Variants in CHRNB2 observed in about 807,000 individuals in gnomAD.
The protein encoded by CHRNB2 is neuronal acetylcholine receptor subunit beta-2.
CHRNB2 carries 33 observed loss-of-function variants against 42.7 expected under a neutral mutation model. The observed-to-expected ratio is 0.77, with a 90% confidence interval of 0.59 to 1.03. The LOEUF is 1.03. CHRNB2 is among the 50% of genes least tolerant of loss of function. The pLI, the probability that CHRNB2 is intolerant of heterozygous loss-of-function variation, is 0.00. For missense variants in CHRNB2, 603 were observed against 700.9 expected (o/e 0.86, Z 1.58); for synonymous variants, 325 against 292.9 (o/e 1.11, Z -1.12).
Position 154,569,776 on chromosome 1 carries a change from C to T in CHRNB2, c.211-16C>T, listed in dbSNP as rs200459257. ...GGCTTAGGGGCCTTCTCGGCAGCCT[C>T]TCTTCCTCCCTGCAGCATGAGCGGG... is the stretch of plus-strand genomic sequence containing the variant. On this transcript the variant is annotated splice_polypyrimidine_tract_variant and intron_variant, in intron 2 of 5. Coordinates refer to ENST00000368476, the MANE Select transcript of CHRNB2 (RefSeq NM_000748.3). The T allele has an allele frequency of 1.9e-6, 3 of 1,614,180 alleles. No homozygotes were observed. Among genetic ancestry groups the T allele is most frequent in the Middle Eastern group, 1.6e-4 (1 of 6,062 alleles).
At position 154,568,097 on chromosome 1, in the gene CHRNB2, G is replaced by A; in HGVS notation, c.53G>A (p.Arg18Gln). Residue 18 changes from arginine to glutamine, a missense_variant, in exon 1 of 6, where the codon CGG becomes CAG. Arg to Gln is a conservative substitution (Grantham distance 43). This residue lies in a region of CHRNB2 where 333 missense variants were observed against 452.6 expected (regional missense o/e 0.74). Coordinates refer to ENST00000368476, the MANE Select transcript of CHRNB2 (RefSeq NM_000748.3). ...VALLLGFGLL[R>Q]LCSGVWGTDT... ...CTGCTCCTTGGCTTCGGCCTCCTCCGGCTGTGCTCAGGTAAGGGAAAGACG... is the reference window on the plus strand; with the variant it reads ...CTGCTCCTTGGCTTCGGCCTCCTCCAGCTGTGCTCAGGTAAGGGAAAGACG... The A allele has an allele frequency of 6.2e-7, 1 of 1,603,434 alleles. No homozygotes were observed. The highest frequency in any genetic ancestry group is 8.5e-7 in the Non-Finnish European group (1 of 1,175,752).
At position 154,567,938 on chromosome 1, in the gene CHRNB2, T is replaced by C; in HGVS notation, c.-107T>C. ...GCGGCCGGCACCACCTGGACCCAGCTCCAGGCGGGCGCGGCTTCAGCACCA... is the reference window on the plus strand; with the variant it reads ...GCGGCCGGCACCACCTGGACCCAGCCCCAGGCGGGCGCGGCTTCAGCACCA... On this transcript the variant is annotated 5_prime_UTR_variant, in exon 1 of 6. Coordinates refer to ENST00000368476, the MANE Select transcript of CHRNB2 (RefSeq NM_000748.3). 1 of 1,101,878 alleles carries C rather than the reference T, an allele frequency of 9.1e-7. No homozygotes were observed. The highest frequency in any genetic ancestry group is 1.2e-6 in the Non-Finnish European group (1 of 829,344). 68.3% of individuals were successfully genotyped at this position (1,101,878 alleles called of 1,614,324 possible). A position where few individuals can be genotyped will look rare whatever the true frequency, so the allele number is the denominator to read the frequency against.
chr1:154,571,898 C>T lies in CHRNB2; in HGVS notation c.1075C>T (p.Gln359Ter). ...MQQPRHHCARQRLRLRRRQRE... is the reference protein window; with the variant it reads ...MQQPRHHCAR The stretch of plus-strand genomic sequence containing the variant: ...GCAGCCACGCCATCATTGCGCCCGT[C>T]AGCGCCTGCGCCTGCGGCGACGCCA... Residue 359 changes from glutamine to a stop codon, truncating the protein, a stop_gained, in exon 5 of 6, where the codon CAG (glutamine) becomes TAG (stop). Transcript: ENST00000368476. LOFTEE classifies it high-confidence loss of function. The surrounding 1 kb of genome is among the most constrained non-coding windows in gnomAD (Gnocchi z 6.8). 6.3e-7 allele frequency: 1 copy of T among 1,585,372 alleles called. No homozygotes were observed. The highest frequency in any genetic ancestry group is 8.5e-7 in the Non-Finnish European group (1 of 1,169,820).
intron 3 of CHRNB2, 110 bp downstream of exon 3, chr1:154,569,946 G>A: frequency 1.6e-6 from 2 of 1,276,202 alleles, no homozygotes; most frequent in Non-Finnish European, 2.3e-6. Flanking sequence ...AAGGTATAGA[G>A]TTTGGAGTCC....
At chr1:154,569,284 T>A (rs1696117258) in intron 1 of CHRNB2, among the ~76,000 whole-genome samples, 178 bp from the exon 2 acceptor site, 2 of 152,028 alleles carry the variant, frequency 1.3e-5, no homozygotes, top group South Asian at 4.2e-4. Context: ...GAGAGGGGCT[T>A]TTCTATGAAG....
At position 154,571,910 on chromosome 1, in the gene CHRNB2, C is replaced by T. The variant is rs201040879; in HGVS notation, c.1087C>T (p.Leu363=). ...RHHCARQRLR[L]RRRQREREGA... is the part of the protein sequence containing the mutation. ...TCATTGCGCCCGTCAGCGCCTGCGC[C>T]TGCGGCGACGCCAGCGTGAGCGCGA... The change falls in exon 5 of 6, where the codon CTG becomes TTG. Residue 363 remains leucine (L), a synonymous_variant. Coordinates refer to ENST00000368476, the MANE Select transcript of CHRNB2 (RefSeq NM_000748.3). This position sits in a 1 kb window ranked among gnomAD's most constrained non-coding sequence, Gnocchi z 6.8. 1.0e-5 allele frequency: 16 copies of T among 1,574,240 alleles called. No homozygotes were observed. The South Asian group carries it at 1.0e-4, about 10-fold the overall frequency.
rs200934493 is a variant in CHRNB2, at chr1:154,576,487, G to A, written c.*555G>A. On this transcript the variant is annotated 3_prime_UTR_variant, in exon 6 of 6. Transcript: ENST00000368476. Reference sequence around the variant, plus strand: ...GTGGTCAGCGATTCCTGCCAAGTAGGGTTTAGCCGGGCCCCATGGTCACAG... The same window carrying A: ...GTGGTCAGCGATTCCTGCCAAGTAGAGTTTAGCCGGGCCCCATGGTCACAG... The A allele has an allele frequency of 2.0e-5, 4 of 200,182 alleles. No homozygotes were observed. The highest frequency in any genetic ancestry group is 1.2e-4 in the East Asian group (1 of 8,156). The allele number at this position is 200,182 out of a possible 1,614,324, so 12.4% of individuals were successfully genotyped here.
Position 154,571,089 on chromosome 1 carries a change from G to T in CHRNB2, c.366-100G>T. The T allele has an allele frequency of 6.2e-7, 1 of 1,606,540 alleles. No homozygotes were observed. The stretch of plus-strand genomic sequence containing the variant: ...TCAGATCTGGGTGTCCCCTCCCCAT[G>T]TCTCCCTCTGGTTTTGCTCTCCTCC... On this transcript the variant is annotated intron_variant, in intron 4 of 5. Transcript: ENST00000368476. This position sits in a 1 kb window ranked among gnomAD's most constrained non-coding sequence, Gnocchi z 6.8.
In CHRNB2 at chr1:154,575,982, A is replaced by C; in HGVS notation, c.*50A>C. ...TTCACCCTGCCACCCTCTGCTGCAC[A>C]GTAGTGTTGGGTGGAGGATGGACGA... On this transcript the variant is annotated 3_prime_UTR_variant, in exon 6 of 6. Transcript: ENST00000368476. 6.2e-7 allele frequency: 1 copy of C among 1,608,680 alleles called. No individual in the cohort carries two copies. The highest frequency in any genetic ancestry group is 1.1e-5 in the South Asian group (1 of 90,944).
rs963235379 is a variant in CHRNB2 at position 154,571,028 on chromosome 1, T to A, written c.366-161T>A. ...CCCCCTCCCCATATCCCCTTCTTGC[T>A]CAATTCCACCTCTCTATACTCCTGG... On this transcript the variant is annotated intron_variant, in intron 4 of 5. Transcript: ENST00000368476. This position sits in a 1 kb window ranked among gnomAD's most constrained non-coding sequence, Gnocchi z 6.8. Among the ~76,000 whole-genome samples the A allele has an allele frequency of 6.7e-6, 1 of 148,660 alleles. No homozygotes were observed. The highest frequency in any genetic ancestry group is 2.5e-5 in the African/African-American group (1 of 40,260).
Position 154,572,017 on chromosome 1 carries a change from G to A in CHRNB2, c.1194G>A (p.Gly398=), listed in dbSNP as rs2101522454. 2.6e-6 allele frequency: 4 copies of A among 1,533,962 alleles called. No homozygotes were observed. The highest frequency in any genetic ancestry group is 3.5e-6 in the Non-Finnish European group (4 of 1,144,970). The part of the protein sequence containing the change: ...TCFVNRASVQ[G]LAGAFGAEPA... ...TCGTCAACCGCGCGTCGGTGCAGGG[G>A]TTGGCCGGGGCCTTCGGGGCTGAGC... The change falls in exon 5 of 6, where the codon GGG becomes GGA. Residue 398 remains glycine, a synonymous_variant. Transcript: ENST00000368476.
intron 4 of CHRNB2, among the ~76,000 whole-genome samples, chr1:154,570,946 G>T (rs1368163503): frequency 6.6e-6 from 1 of 150,706 alleles, no homozygotes; most frequent in Non-Finnish European, 1.5e-5. Flanking sequence ...CCTTCTACCT[G>T]CAAGGTGTCA....
chr1:154,567,919 G>A lies in CHRNB2; in HGVS notation c.-126G>A. Reference sequence around the variant, plus strand: ...AGGCCCAGGAACCACCGCGGCGGCCGGCACCACCTGGACCCAGCTCCAGGC... The same window carrying A: ...AGGCCCAGGAACCACCGCGGCGGCCAGCACCACCTGGACCCAGCTCCAGGC... On this transcript the variant is annotated 5_prime_UTR_variant, in exon 1 of 6. Coordinates refer to ENST00000368476, the MANE Select transcript of CHRNB2 (RefSeq NM_000748.3). 1 of 834,008 alleles carries A rather than the reference G, an allele frequency of 1.2e-6. No individual in the cohort carries two copies. The highest frequency in any genetic ancestry group is 1.7e-6 in the Non-Finnish European group (1 of 594,786). 51.7% of individuals were successfully genotyped at this position (834,008 alleles called of 1,614,324 possible).
rs752766336 is a variant in CHRNB2, at chr1:154,569,814, C to T, written c.233C>T (p.Thr78Ile). Residue 78 changes from threonine (T) to isoleucine (I), a missense_variant, in exon 3 of 6, where the codon ACC becomes ATC. Thr to Ile is a moderately conservative substitution (Grantham distance 89). Transcript: ENST00000368476. ...ISVHEREQIM[T>I]TNVWLTQEWE... ...CAGCATGAGCGGGAGCAGATCATGA[C>T]CACCAATGTCTGGCTGACCCAGGTA... 1.2e-6 allele frequency: 2 copies of T among 1,614,100 alleles called. No homozygotes were observed. Among genetic ancestry groups the T allele is most frequent in the South Asian group, 1.1e-5 (1 of 91,088 alleles).
rs34019399 is a variant in CHRNB2, at chr1:154,576,199, C to T, written c.*267C>T. ...AGTGTTGAGGAGGGGAGCAAGGCTGCTAAGTGGAAGACAGAGATGGCAGAG... is the reference window on the plus strand; with the variant it reads ...AGTGTTGAGGAGGGGAGCAAGGCTGTTAAGTGGAAGACAGAGATGGCAGAG... On this transcript the variant is annotated 3_prime_UTR_variant, in exon 6 of 6. Transcript: ENST00000368476. The T allele has an allele frequency of 1.9e-6, 1 of 519,468 alleles. No individual in the cohort carries two copies. Among genetic ancestry groups the T allele is most frequent in the Non-Finnish European group, 3.5e-6 (1 of 284,096 alleles). 32.2% of individuals were successfully genotyped at this position (519,468 alleles called of 1,614,324 possible).
chr1:154,571,498 G>A lies in CHRNB2; in HGVS notation c.675G>A (p.Thr225=), dbSNP rs994716085. The change falls in exon 5 of 6, where the codon ACG becomes ACA. Residue 225 remains threonine, a synonymous_variant. Transcript: ENST00000368476. This position sits in a 1 kb window ranked among gnomAD's most constrained non-coding sequence, Gnocchi z 6.8. The part of the protein sequence containing the change: ...NPDDSTYVDI[T]YDFIIRRKPL... ...ACGACTCTACGTACGTGGACATCACGTATGACTTCATCATTCGCCGCAAGC... is the reference window on the plus strand; with the variant it reads ...ACGACTCTACGTACGTGGACATCACATATGACTTCATCATTCGCCGCAAGC... The A allele has an allele frequency of 3.1e-6, 5 of 1,613,934 alleles. No individual in the cohort carries two copies. In the East Asian group the frequency reaches 6.7e-5, roughly 22 times the overall value.
chr1:154,573,336 A>G (rs939942960), intron 5 of CHRNB2, among the ~76,000 whole-genome samples: 1 of 152,190 alleles, frequency 6.6e-6, no homozygotes, highest in Non-Finnish European at 1.5e-5. Context: ...TGGATGCTTC[A>G]CAGGCACCTC....
chr1:154,571,908 G>A lies in CHRNB2; in HGVS notation c.1085G>A (p.Arg362His). 3 of 1,575,850 alleles carry A rather than the reference G, an allele frequency of 1.9e-6. No individual in the cohort carries two copies. In the South Asian group the frequency reaches 3.4e-5, roughly 18 times the overall value. ...CATCATTGCGCCCGTCAGCGCCTGC[G>A]CCTGCGGCGACGCCAGCGTGAGCGC... The part of the protein sequence containing the change: ...PRHHCARQRL[R>H]LRRRQREREG... Residue 362 changes from arginine (R) to histidine (H), a missense_variant, in exon 5 of 6, where the codon CGC becomes CAC. Arg to His is a conservative substitution (Grantham distance 29). Transcript: ENST00000368476. The surrounding 1 kb of genome is among the most constrained non-coding windows in gnomAD (Gnocchi z 6.8).
At chr1:154,575,077 G>T (rs901113405) in intron 5 of CHRNB2, among the ~76,000 whole-genome samples, 5 of 152,020 alleles carry the variant, frequency 3.3e-5, no homozygotes, top group African/African-American at 1.2e-4. Context: ...GGTTGGATGG[G>T]GCTCAGTGTG....
Sources: allele counts gnomAD v4.1 joint callset (sites outside exome capture counted in the v4.1 genomes callset), GRCh38; gene constraint gnomAD v4.1.1; regional missense constraint gnomAD v4.1.1; non-coding constraint Gnocchi (gnomAD v3.1); transcripts MANE v1.5; gene names NCBI Gene and HGNC (gene_info 2026-07-23, HGNC 2026-07-21).